CCHCR1: variants seen among roughly 807,000 people sequenced by gnomAD.
CCHCR1 encodes HCR (a-helix coiled-coil rod homologue).
In CCHCR1, 91 loss-of-function variants were observed where a neutral mutation model predicts 114.6. That is an observed-to-expected ratio of 0.79 (90% confidence interval 0.67 to 0.94). CCHCR1 has a LOEUF of 0.94. Ranked by LOEUF, CCHCR1 falls within the 40% of genes least tolerant of loss-of-function variation. The pLI, the probability that CCHCR1 is intolerant of heterozygous loss-of-function variation, is 0.00. For synonymous variants in CCHCR1, 379 were observed against 428.5 expected (o/e 0.88, Z 1.43); for missense variants, 899 against 1,079.9 (o/e 0.83, Z 2.35).
Position 31,144,774 on chromosome 6 carries a change from C to CT in CCHCR1, c.2079_2080insA (p.Val694SerfsTer3). The stretch of plus-strand genomic sequence containing the variant: ...CGCAGCCGAGTTTCCACTTCAGCCA[C>CT]CTTTTCTTGCAGGGCTGGGGTGAAA... On this transcript the variant is annotated frameshift_variant, in exon 15 of 18. Coordinates refer to ENST00000396268, the MANE Select transcript of CCHCR1 (RefSeq NM_001105564.2). LOFTEE classifies it high-confidence loss of function. The surrounding 1 kb of genome is among the most constrained non-coding windows in gnomAD (Gnocchi z 4.6). The CT allele has an allele frequency of 6.2e-7, 1 of 1,614,052 alleles. No individual in the cohort carries two copies. The highest frequency in any genetic ancestry group is 8.5e-7 in the Non-Finnish European group (1 of 1,179,954).
At position 31,150,270 on chromosome 6, in the gene CCHCR1, A is replaced by C; in HGVS notation, c.1213-55T>G. The stretch of plus-strand genomic sequence containing the variant: ...GGGCTCCTGGGGGAGGAGAGGAAGG[A>C]GGTGGCATCTTTGTTTCTCCTCTGT... On this transcript the variant is annotated intron_variant, in intron 7 of 17. Transcript: ENST00000396268. The surrounding 1 kb of genome is among the most constrained non-coding windows in gnomAD (Gnocchi z 5.3). 9 of 1,583,324 alleles carry C rather than the reference A, an allele frequency of 5.7e-6. No individual in the cohort carries two copies. Among genetic ancestry groups the C allele is most frequent in the Non-Finnish European group, 7.8e-6 (9 of 1,155,678 alleles).
Position 31,154,898 on chromosome 6 carries a change from G to T in CCHCR1, c.498-99C>A. 1 of 1,144,214 alleles carries T rather than the reference G, an allele frequency of 8.7e-7. No homozygotes were observed. Among genetic ancestry groups the T allele is most frequent in the Non-Finnish European group, 1.2e-6 (1 of 828,630 alleles). 70.9% of individuals were successfully genotyped at this position (1,144,214 alleles called of 1,614,324 possible). On this transcript the variant is annotated intron_variant, in intron 3 of 17. Coordinates refer to ENST00000396268, the MANE Select transcript of CCHCR1 (RefSeq NM_001105564.2). The surrounding 1 kb of genome is among the most constrained non-coding windows in gnomAD (Gnocchi z 4.1). ...AGGAGAAGGAAAAGAGGACCCCTCT[G>T]CTTCCGTGTGGGGAGGTGAAGGGGG...
In CCHCR1 at chr6:31,151,247, A is replaced by C. The variant is rs901449207; in HGVS notation, c.802-125T>G. Reference sequence around the variant, plus strand: ...ACCAATCAGCCAACTGTGCACAGCAAATGGAGAGCTGGCAACTCACTCTCC... The same window carrying C: ...ACCAATCAGCCAACTGTGCACAGCACATGGAGAGCTGGCAACTCACTCTCC... On this transcript the variant is annotated intron_variant, in intron 4 of 17. Coordinates refer to ENST00000396268, the MANE Select transcript of CCHCR1 (RefSeq NM_001105564.2). The surrounding 1 kb of genome is among the most constrained non-coding windows in gnomAD (Gnocchi z 4.1). 3 of 1,024,604 alleles carry C rather than the reference A, an allele frequency of 2.9e-6. No individual in the cohort carries two copies. The highest frequency in any genetic ancestry group is 3.2e-5 in the South Asian group (2 of 61,748). The allele number at this position is 1,024,604 out of a possible 1,614,324, so 63.5% of individuals were successfully genotyped here.
chr6:31,150,704 G>A lies in CCHCR1; in HGVS notation c.1101+21C>T. On this transcript the variant is annotated intron_variant, in intron 6 of 17. Coordinates refer to ENST00000396268, the MANE Select transcript of CCHCR1 (RefSeq NM_001105564.2). The surrounding 1 kb of genome is among the most constrained non-coding windows in gnomAD (Gnocchi z 5.3). ...AACCTGATCCCTAAGTCTGCACACA[G>A]ATACATTCCTGCACCCTCACCTGCA... 6.2e-6 allele frequency: 10 copies of A among 1,609,906 alleles called. No homozygotes were observed. Among genetic ancestry groups the A allele is most frequent in the Non-Finnish European group, 8.5e-6 (10 of 1,178,302 alleles).
In CCHCR1 at chr6:31,150,368, T is replaced by G. The variant is rs1775033168; in HGVS notation, c.1212+87A>C. 2 of 1,350,738 alleles carry G rather than the reference T, an allele frequency of 1.5e-6. No homozygotes were observed. The highest frequency in any genetic ancestry group is 2.1e-6 in the Non-Finnish European group (2 of 957,408). 83.7% of individuals were successfully genotyped at this position (1,350,738 alleles called of 1,614,324 possible). A position where few individuals can be genotyped will look rare whatever the true frequency, so the allele number is the denominator to read the frequency against. On this transcript the variant is annotated intron_variant, in intron 7 of 17. Coordinates refer to ENST00000396268, the MANE Select transcript of CCHCR1 (RefSeq NM_001105564.2). This position sits in a 1 kb window ranked among gnomAD's most constrained non-coding sequence, Gnocchi z 5.3. ...GATCTAAGCAGGTTCTGGGGCACAT[T>G]GACCCCTCCTGCCCACAGGGAGGGA...
At position 31,154,520 on chromosome 6, in the gene CCHCR1, C is replaced by T; in HGVS notation, c.777G>A (p.Glu259=). The change falls in exon 4 of 18, where the codon GAG becomes GAA. Residue 259 remains glutamate, a synonymous_variant. Coordinates refer to ENST00000396268, the MANE Select transcript of CCHCR1 (RefSeq NM_001105564.2). The surrounding 1 kb of genome is among the most constrained non-coding windows in gnomAD (Gnocchi z 4.1). The part of the protein sequence containing the change: ...LEEGSQRELE[E]VQRLHQEQLS... Reference sequence around the variant, plus strand: ...CCTGCTCTTGGTGCAGCCTCTGAACCTCTTCCAGCTCCCGCTGGCTCCCCT... The same window carrying T: ...CCTGCTCTTGGTGCAGCCTCTGAACTTCTTCCAGCTCCCGCTGGCTCCCCT... 1 of 1,612,468 alleles carries T rather than the reference C, an allele frequency of 6.2e-7. No homozygotes were observed. The highest frequency in any genetic ancestry group is 8.5e-7 in the Non-Finnish European group (1 of 1,179,522).
At chr6:31,142,781 G>A (rs2053513657) in intron 17 of CCHCR1, 65 bp from the exon 18 acceptor site, 1 of 1,574,598 alleles carries the variant, frequency 6.4e-7, no homozygotes, top group Admixed American at 1.7e-5. Flanking sequence ...AGAGGAAACA[G>A]GGCTGGCACA....
At chr6:31,157,200 C>T in intron 1 of CCHCR1, 111 bp from the exon 2 acceptor site, 1 of 1,055,032 alleles carries the variant, frequency 9.5e-7, no homozygotes, top group Non-Finnish European at 1.4e-6. Context: ...CCAGGTCCAC[C>T]CGATGCTTAG....
Position 31,144,579 on chromosome 6 carries a change from T to C in CCHCR1, c.2167+108A>G. On this transcript the variant is annotated intron_variant, in intron 15 of 17. Transcript: ENST00000396268. This position sits in a 1 kb window ranked among gnomAD's most constrained non-coding sequence, Gnocchi z 4.6. Reference sequence around the variant, plus strand: ...TCTGTGCTACTCCTGGATACCTTCATTACTTCCTGTAATGAAGCTTTGAAC... The same window carrying C: ...TCTGTGCTACTCCTGGATACCTTCACTACTTCCTGTAATGAAGCTTTGAAC... 1.4e-6 allele frequency: 1 copy of C among 720,470 alleles called. No homozygotes were observed. Among genetic ancestry groups the C allele is most frequent in the South Asian group, 1.7e-5 (1 of 58,450 alleles). 44.6% of individuals were successfully genotyped at this position (720,470 alleles called of 1,614,324 possible).
At position 31,150,605 on chromosome 6, in the gene CCHCR1, T is replaced by G. The variant is rs550908000; in HGVS notation, c.1102-40A>C. ...AAGCAGCCCCTCTGTAGGGCCTCCA[T>G]GCCGCCTTAGGTACCACCTTCTCTC... On this transcript the variant is annotated intron_variant, in intron 6 of 17. Coordinates refer to ENST00000396268, the MANE Select transcript of CCHCR1 (RefSeq NM_001105564.2). This position sits in a 1 kb window ranked among gnomAD's most constrained non-coding sequence, Gnocchi z 5.3. 2 of 1,596,816 alleles carry G rather than the reference T, an allele frequency of 1.3e-6. No individual in the cohort carries two copies. Among genetic ancestry groups the G allele is most frequent in the East Asian group, 2.2e-5 (1 of 44,686 alleles).
intron 8 of CCHCR1, chr6:31,149,399 CCA>C (rs1561808429): frequency 6.6e-6 from 1 of 152,390 alleles, no homozygotes. Context: ...CTGACTCACC[CCA>C]CAGTCTCTCC....
chr6:31,145,382 T>C (rs778421887), intron 12 of CCHCR1, 66 bp downstream of exon 12: 4 of 1,612,232 alleles, frequency 2.5e-6, no homozygotes, highest in Non-Finnish European at 3.4e-6. Flanking sequence ...TCAGTCCTCA[T>C]GGTTTTGGGG....
chr6:31,148,861 C>CG (rs1774760857), intron 8 of CCHCR1, 133 bp from the exon 9 acceptor site: 3 of 27,496 alleles, frequency 1.1e-4, no homozygotes, highest in South Asian at 9.3e-4. Flanking sequence ...GGGCGGGCGA[C>CG]GGGGGTGGGT....
chr6:31,152,045 C>T (rs1218908491), intron 4 of CCHCR1, among the ~76,000 whole-genome samples: 2 of 152,128 alleles, frequency 1.3e-5, no homozygotes, highest in African/African-American at 2.4e-5. Context: ...TCCTGTAATT[C>T]CAGCACTTTG....
In CCHCR1 at chr6:31,154,855, G is replaced by A; in HGVS notation, c.498-56C>T. On this transcript the variant is annotated intron_variant, in intron 3 of 17. Transcript: ENST00000396268. This position sits in a 1 kb window ranked among gnomAD's most constrained non-coding sequence, Gnocchi z 4.1. ...TGTCTCCAGTGCTGGAAGGATAGTTGAGGGCATAAACATAGCCAGGAGAAG... is the reference window on the plus strand; with the variant it reads ...TGTCTCCAGTGCTGGAAGGATAGTTAAGGGCATAAACATAGCCAGGAGAAG... The A allele has an allele frequency of 4.0e-6, 6 of 1,487,004 alleles. No homozygotes were observed. Among genetic ancestry groups the A allele is most frequent in the Non-Finnish European group, 5.4e-6 (6 of 1,107,168 alleles). The allele number at this position is 1,487,004 out of a possible 1,614,324, so 92.1% of individuals were successfully genotyped here. A position where few individuals can be genotyped will look rare whatever the true frequency, so the allele number is the denominator to read the frequency against.
chr6:31,156,864 A>G lies in CCHCR1; in HGVS notation c.364T>C (p.Ser122Pro). 3 of 1,612,980 alleles carry G rather than the reference A, an allele frequency of 1.9e-6. No homozygotes were observed. The highest frequency in any genetic ancestry group is 2.5e-6 in the Non-Finnish European group (3 of 1,180,036). ...TLPRMAPTWLSDIPLVQPPGH... is the reference protein window; with the variant it reads ...TLPRMAPTWLPDIPLVQPPGH... Reference sequence around the variant, plus strand: ...GGGGGTTGGACCAGGGGAATGTCTGAGAGCCAGGTGGGAGCCATTCTTGGC... The same window carrying G: ...GGGGGTTGGACCAGGGGAATGTCTGGGAGCCAGGTGGGAGCCATTCTTGGC... The change falls in exon 3 of 18, where the codon TCA (serine) becomes CCA (proline). Residue 122 changes from serine to proline, a missense_variant. Physicochemically the swap from Ser to Pro is moderately conservative, Grantham distance 74. Coordinates refer to ENST00000396268, the MANE Select transcript of CCHCR1 (RefSeq NM_001105564.2).
At chr6:31,146,748 T>C (rs1774393223) in intron 10 of CCHCR1, among the ~76,000 whole-genome samples, 1 of 152,196 alleles carries the variant, frequency 6.6e-6, no homozygotes, top group Non-Finnish European at 1.5e-5. Flanking sequence ...GCTTTAAGCC[T>C]GGAGGACTTT....
In CCHCR1 at chr6:31,150,008, T is replaced by C. The variant is rs1322122620; in HGVS notation, c.1362+58A>G. On this transcript the variant is annotated intron_variant, in intron 8 of 17. Transcript: ENST00000396268. This position sits in a 1 kb window ranked among gnomAD's most constrained non-coding sequence, Gnocchi z 5.3. ...AAACACTGGTTGAATGGATGCCACC[T>C]TCATGGAAGGAGCAAGGTGCTGGGA... is the stretch of plus-strand genomic sequence containing the variant. The C allele has an allele frequency of 6.3e-7, 1 of 1,590,366 alleles. No individual in the cohort carries two copies.
At chr6:31,148,370 A>C in intron 10 of CCHCR1, 35 bp downstream of exon 10, 1 of 1,326,220 alleles carries the variant, frequency 7.5e-7, no homozygotes, top group Non-Finnish European at 1.1e-6. Context: ...GAGGTGGCAG[A>C]AACACTACTC....
Sources: gnomAD v4.1 joint callset for allele counts (sites outside exome capture counted in the v4.1 genomes callset) on GRCh38, gnomAD v4.1.1 for gene constraint, Gnocchi (gnomAD v3.1) non-coding constraint, MANE v1.5 for transcripts, NCBI Gene and HGNC (gene_info 2026-07-23, HGNC 2026-07-21) for gene names.